TSEN34: variants seen among roughly 807,000 people sequenced by gnomAD.
TSEN34 encodes tRNA-splicing endonuclease subunit Sen34.
Under a neutral mutation model 30.2 loss-of-function variants are expected in TSEN34, and 25 were observed. That is an observed-to-expected ratio of 0.83 (90% CI 0.60 to 1.16). The LOEUF is 1.16. TSEN34 is among the 50% of genes most tolerant of loss of function. TSEN34 has a pLI of 0.00. For synonymous variants in TSEN34, 209 were observed against 177.4 expected (o/e 1.18, Z -1.41); for missense variants, 475 against 411.9 (o/e 1.15, Z -1.33).
chr19:54,191,347 C>A lies in TSEN34; in HGVS notation c.-18C>A. On this transcript the variant is annotated 5_prime_UTR_variant, in exon 1 of 4. Coordinates refer to ENST00000396388, the MANE Select transcript of TSEN34 (RefSeq NM_001077446.4). ...AGCTGTTTCGGTAACTGCTTTGCCT[C>A]CCGGCTCCCGCAGGAGGATGCTGGT... 1.3e-6 allele frequency: 2 copies of A among 1,549,298 alleles called. No individual in the cohort carries two copies. The highest frequency in any genetic ancestry group is 1.7e-6 in the Non-Finnish European group (2 of 1,146,812).
rs1156850349 is a variant in TSEN34, at chr19:54,193,746, GA to G, written c.*385del. ...GTACAGGTGAGAAAAAGGCCTGGAG[GA>G]GGGGGACTGACTTGCCCAAAGTCAC... is the stretch of plus-strand genomic sequence containing the variant. On this transcript the variant is annotated 3_prime_UTR_variant, in exon 4 of 4. Transcript: ENST00000396388. 2.8e-6 allele frequency: 2 copies of G among 713,984 alleles called. No homozygotes were observed. Among genetic ancestry groups the G allele is most frequent in the Admixed American group, 2.0e-5 (1 of 49,654 alleles). The allele number at this position is 713,984 out of a possible 1,614,324, so 44.2% of individuals were successfully genotyped here. A position where few individuals can be genotyped will look rare whatever the true frequency, so the allele number is the denominator to read the frequency against.
chr19:54,190,151 C>T (rs971445860), upstream of TSEN34: 18 of 563,678 alleles, frequency 3.2e-5, no homozygotes, highest in South Asian at 2.0e-4. Context: ...GGAGAGGAAG[C>T]GGCAGAGGGA....
In TSEN34 at chr19:54,193,594, CTGGGTT is replaced by C; in HGVS notation, c.*235_*240del. 2 of 1,456,670 alleles carry C rather than the reference CTGGGTT, an allele frequency of 1.4e-6. No homozygotes were observed. Among genetic ancestry groups the C allele is most frequent in the South Asian group, 2.4e-5 (2 of 82,396 alleles). The allele number at this position is 1,456,670 out of a possible 1,614,324, so 90.2% of individuals were successfully genotyped here. On this transcript the variant is annotated 3_prime_UTR_variant, in exon 4 of 4. Transcript: ENST00000396388. ...ACTGTGAGCTTCCCGAGAATGGGGC[CTGGGTT>C]TGATTCATCTGTTTTCTACAGGGTT...
upstream of TSEN34, chr19:54,190,024 G>C: frequency 1.9e-6 from 1 of 528,088 alleles, no homozygotes; most frequent in South Asian, 2.3e-5. Flanking sequence ...AGACACCCAT[G>C]AGTATTTACA....
At chr19:54,192,444 T>G in intron 3 of TSEN34, 71 bp downstream of exon 3, 1 of 962,712 alleles carries the variant, frequency 1.0e-6, no homozygotes, top group Admixed American at 3.4e-5. Flanking sequence ...CGTTTTTCTT[T>G]TTTTTTTTTT....
chr19:54,191,273 C>T (rs1235448936), upstream of TSEN34: 4 of 1,524,956 alleles, frequency 2.6e-6, no homozygotes, highest in African/African-American at 1.4e-5. Flanking sequence ...GGCGGGGCTT[C>T]GCCGAGACCC....
chr19:54,190,938 GA>G, upstream of TSEN34: 1 of 1,057,236 alleles, frequency 9.5e-7, no homozygotes, highest in Non-Finnish European at 1.1e-6. Context: ...CCCGAAGGGG[GA>G]CGCCCACTTT....
upstream of TSEN34, chr19:54,190,922 G>A (rs2147070155): frequency 7.6e-6 from 8 of 1,051,254 alleles, no homozygotes; most frequent in Non-Finnish European, 9.2e-6. Flanking sequence ...ACCGCTGACG[G>A]GAACACCCGA....
In TSEN34 at chr19:54,192,417, G is replaced by C. The variant is rs745357176; in HGVS notation, c.745+44G>C. On this transcript the variant is annotated intron_variant, in intron 3 of 3. Transcript: ENST00000396388. ...CTCTGGTTGCTGTGCCTTTCCATAC[G>C]ATCCCAATGTATTCTGCGTTTTTCT... 3.7e-6 allele frequency: 6 copies of C among 1,609,244 alleles called. No homozygotes were observed. The African/African-American group carries it at 4.0e-5, about 11-fold the overall frequency.
At chr19:54,190,409 C>G, upstream of TSEN34, 3 of 1,470,122 alleles carry the variant, frequency 2.0e-6, no homozygotes, top group Non-Finnish European at 2.7e-6. Context: ...GTGGGACATT[C>G]TGAAGGGAGG....
At chr19:54,190,142 G>A (rs1009392509), upstream of TSEN34, 19 of 562,402 alleles carry the variant, frequency 3.4e-5, no homozygotes, top group East Asian at 2.3e-4. Flanking sequence ...CCAAGTAGAG[G>A]AGAGGAAGCG....
chr19:54,189,756 G>C (rs963491123), upstream of TSEN34: 63 of 154,892 alleles, frequency 4.1e-4, 1 homozygote, highest in South Asian at 1.8e-3. Context: ...ACAATCGGGA[G>C]CTTGAGTTCT....
upstream of TSEN34, chr19:54,189,923 G>T: frequency 3.7e-6 from 1 of 269,432 alleles, no homozygotes; most frequent in Non-Finnish European, 7.3e-6. Context: ...AGACTCGGCC[G>T]GATGTGGGTG....
rs768787974 is a variant in TSEN34 at position 54,192,082 on chromosome 19, A to T, written c.488-34A>T. On this transcript the variant is annotated intron_variant, in intron 2 of 3. Coordinates refer to ENST00000396388, the MANE Select transcript of TSEN34 (RefSeq NM_001077446.4). ...GAGGGTGAGAAGACTTTACCCCTTG[A>T]ATTTACCAAACTCTTCTCTGTACTC... is the stretch of plus-strand genomic sequence containing the variant. 5 of 1,614,018 alleles carry T rather than the reference A, an allele frequency of 3.1e-6. No homozygotes were observed. In the East Asian group the frequency reaches 8.9e-5, roughly 29 times the overall value.
rs376292359 is a variant in TSEN34 at position 54,192,247 on chromosome 19, A to G, written c.619A>G (p.Lys207Glu). ...ARPLDWRVQSKDWPHAGRPAH... is the reference protein window; with the variant it reads ...ARPLDWRVQSEDWPHAGRPAH... ...GCCCCTGGACTGGCGTGTCCAGTCT[A>G]AAGACTGGCCCCACGCCGGCCGCCC... The change falls in exon 3 of 4, where the codon AAA (lysine) becomes GAA (glutamate). Residue 207 changes from lysine to glutamate, a missense_variant. Transcript: ENST00000396388. 25 of 1,613,830 alleles carry G rather than the reference A, an allele frequency of 1.5e-5. No homozygotes were observed. The highest frequency in any genetic ancestry group is 1.1e-4 in the South Asian group (10 of 91,056).
At chr19:54,190,019 C>G (rs543106809), upstream of TSEN34, 4 of 522,406 alleles carry the variant, frequency 7.7e-6, no homozygotes, top group East Asian at 7.2e-5. Context: ...TCGCCAGACA[C>G]CCATGAGTAT....
At chr19:54,190,898 C>T (rs977816122), upstream of TSEN34, 4 of 1,048,752 alleles carry the variant, frequency 3.8e-6, no homozygotes, top group Non-Finnish European at 4.6e-6. Context: ...GTGCCTTAGC[C>T]TCCAGAGCTT....
In TSEN34 at chr19:54,192,130, C is replaced by A. The variant is rs773444447; in HGVS notation, c.502C>A (p.Gln168Lys). Residue 168 changes from glutamine (Q) to lysine (K), a missense_variant, in exon 3 of 4, where the codon CAA (glutamine) becomes AAA (lysine). By Grantham distance (53) the Gln-to-Lys change is moderately conservative. Coordinates refer to ENST00000396388, the MANE Select transcript of TSEN34 (RefSeq NM_001077446.4). ...EQEEAGPSSS[Q>K]AGPSNGVAPL... Reference sequence around the variant, plus strand: ...CTCCCCACCAGGCCCCTCGTCTTCCCAAGCAGGACCCTCAAATGGGGTAGC... The same window carrying A: ...CTCCCCACCAGGCCCCTCGTCTTCCAAAGCAGGACCCTCAAATGGGGTAGC... The A allele has an allele frequency of 6.2e-7, 1 of 1,614,230 alleles. No homozygotes were observed. The highest frequency in any genetic ancestry group is 8.5e-7 in the Non-Finnish European group (1 of 1,180,034).
chr19:54,190,027 T>G (rs949122459), upstream of TSEN34: 10 of 527,338 alleles, frequency 1.9e-5, no homozygotes, highest in Non-Finnish European at 3.3e-5. Context: ...CACCCATGAG[T>G]ATTTACAAGG....
Sources: gnomAD v4.1 joint callset for allele counts on GRCh38, gnomAD v4.1.1 for gene constraint, MANE v1.5 for transcripts, NCBI Gene and HGNC (gene_info 2026-07-23, HGNC 2026-07-21) for gene names.